NCL: variants seen among roughly 807,000 people sequenced by gnomAD.
The protein encoded by NCL is nucleolin multifunctional protein.
Under a neutral mutation model 77.7 loss-of-function variants are expected in NCL, and 4 were observed. That is an observed-to-expected ratio of 0.05 (90% CI 0.03 to 0.12). NCL has a LOEUF of 0.12. Ranked by LOEUF, NCL falls within the 10% of genes least tolerant of loss-of-function variation. NCL has a pLI of 1.00. For missense variants in NCL, 763 were observed against 860.9 expected (o/e 0.89, Z 1.42); for synonymous variants, 344 against 297.8 (o/e 1.16, Z -1.60).
intron 7 of NCL, 139 bp downstream of exon 7, chr2:231,458,862 A>C (rs1424799809): frequency 1.1e-6 from 1 of 940,414 alleles, no homozygotes; most frequent in Non-Finnish European, 1.5e-6. Context: ...AGCTCATTTA[A>C]TTCCCACATT....
chr2:231,461,992 T>C lies in NCL; in HGVS notation c.161A>G (p.Lys54Arg), dbSNP rs776394903. Residue 54 changes from lysine to arginine, a missense_variant, in exon 3 of 14, where the codon AAG becomes AGG. Lys to Arg is a conservative substitution (Grantham distance 26, BLOSUM62 2). Coordinates refer to ENST00000322723, the MANE Select transcript of NCL (RefSeq NM_005381.3). ...EEVVIPQKKG[K>R]KAAATSAKKV... ...CTTTGCTGAGGTTGCAGCAGCCTTC[T>C]TGCCTTTCTTCTGAGGTATGACGAC... 9 of 1,614,100 alleles carry C rather than the reference T, an allele frequency of 5.6e-6. No individual in the cohort carries two copies. The highest frequency in any genetic ancestry group is 4.4e-5 in the South Asian group (4 of 91,092).
chr2:231,460,367 C>A (rs2046935357), intron 5 of NCL, 74 bp from the exon 6 acceptor site: 1 of 1,599,228 alleles, frequency 6.3e-7, no homozygotes, highest in South Asian at 1.1e-5. Context: ...AATTTCTATA[C>A]ACAGCACATC....
At chr2:231,455,904 A>G in intron 12 of NCL, 106 bp downstream of exon 12, 1 of 1,552,128 alleles carries the variant, frequency 6.4e-7, no homozygotes, top group Admixed American at 1.7e-5. Context: ...ATAAACTGCC[A>G]CTGATAGACA....
At chr2:231,456,603 C>A (rs1575258754) in intron 11 of NCL, 28 bp downstream of exon 11, 2 of 1,613,728 alleles carry the variant, frequency 1.2e-6, no homozygotes. Flanking sequence ...CTACCCCCAA[C>A]CACAGCACCC....
intron 11 of NCL, 70 bp downstream of exon 11, chr2:231,456,561 T>A: frequency 6.2e-7 from 1 of 1,602,760 alleles, no homozygotes; most frequent in African/African-American, 1.3e-5. Context: ...AACACAGAAT[T>A]TGTGCAAAAA....
rs768577394 is a variant in NCL at position 231,460,310 on chromosome 2, C to T, written c.899-17G>A. 9.9e-6 allele frequency: 16 copies of T among 1,613,866 alleles called. No homozygotes were observed. The highest frequency in any genetic ancestry group is 1.2e-5 in the Non-Finnish European group (14 of 1,179,886). On this transcript the variant is annotated splice_polypyrimidine_tract_variant and intron_variant, in intron 5 of 13. Coordinates refer to ENST00000322723, the MANE Select transcript of NCL (RefSeq NM_005381.3). ...GTTCTGTGCCTGCACAAAAAAAGCT[C>T]AACTCAGTCTACTTGTAGTGTGGTA...
Position 231,460,960 on chromosome 2 carries a change from G to A in NCL, c.614-94C>T, listed in dbSNP as rs1180552856. On this transcript the variant is annotated intron_variant, in intron 3 of 13. Coordinates refer to ENST00000322723, the MANE Select transcript of NCL (RefSeq NM_005381.3). ...AAAGAAAATGCAATCCTGTCACCAT[G>A]TTTAGTTAACAGTCATGGCAAGAAT... 5 of 1,045,848 alleles carry A rather than the reference G, an allele frequency of 4.8e-6. No homozygotes were observed. The African/African-American group carries it at 7.9e-5, about 16-fold the overall frequency. The allele number at this position is 1,045,848 out of a possible 1,614,324, so 64.8% of individuals were successfully genotyped here.
At chr2:231,458,476 G>A (rs1330821439) in intron 7 of NCL, 87 bp from the exon 8 acceptor site, 8 of 1,458,064 alleles carry the variant, frequency 5.5e-6, no homozygotes, top group East Asian at 2.3e-5. Flanking sequence ...AACACACATA[G>A]CTCTATTCAA....
chr2:231,464,289 T>G, intron 1 of NCL, 47 bp downstream of exon 1: 1 of 1,556,252 alleles, frequency 6.4e-7, no homozygotes, highest in Non-Finnish European at 8.7e-7. Flanking sequence ...CGCTCGCCCC[T>G]CGGAAAGCAG....
At chr2:231,455,932 A>C (rs756715384) in intron 12 of NCL, 78 bp downstream of exon 12, 3 of 1,605,340 alleles carry the variant, frequency 1.9e-6, no homozygotes, top group South Asian at 1.1e-5. Context: ...GCTCAATGAG[A>C]AGACACATTA....
chr2:231,455,931 G>T, intron 12 of NCL, 79 bp downstream of exon 12: 1 of 1,605,344 alleles, frequency 6.2e-7, no homozygotes, highest in Non-Finnish European at 8.5e-7. Context: ...AGCTCAATGA[G>T]AAGACACATT....
chr2:231,455,915 G>C, intron 12 of NCL, 95 bp downstream of exon 12: 1 of 1,584,372 alleles, frequency 6.3e-7, no homozygotes, highest in Non-Finnish European at 8.7e-7. Context: ...CTGATAGACA[G>C]AAAGGAGCTC....
rs1411408902 is a variant in NCL, at chr2:231,461,673, G to C, written c.480C>G (p.Asp160Glu). The C allele has an allele frequency of 1.9e-6, 3 of 1,611,548 alleles. No homozygotes were observed. The highest frequency in any genetic ancestry group is 2.5e-6 in the Non-Finnish European group (3 of 1,177,766). ...DDDSEEDEED[D>E]EDEDEDEDEI... ...CATCTTCATCCTCATCCTCGTCCTCGTCATCCTCCTCATCCTCCTCACTGT... is the reference window on the plus strand; with the variant it reads ...CATCTTCATCCTCATCCTCGTCCTCCTCATCCTCCTCATCCTCCTCACTGT... The change falls in exon 3 of 14, where the codon GAC becomes GAG. Residue 160 changes from aspartate to glutamate, a missense_variant. Coordinates refer to ENST00000322723, the MANE Select transcript of NCL (RefSeq NM_005381.3).
chr2:231,458,418 G>A (rs761372602), intron 7 of NCL, 29 bp from the exon 8 acceptor site: 14 of 1,605,836 alleles, frequency 8.7e-6, no homozygotes, highest in African/African-American at 8.1e-5. Context: ...AATGAGCTCT[G>A]TGGCCTGAAA....
At chr2:231,460,406 A>G in intron 5 of NCL, 72 bp downstream of exon 5, 9 of 1,590,994 alleles carry the variant, frequency 5.7e-6, no homozygotes, top group South Asian at 1.1e-5. Context: ...ATCAGGTTTC[A>G]GTATTAAGTC....
intron 7 of NCL, 122 bp from the exon 8 acceptor site, chr2:231,458,511 T>C: frequency 7.9e-7 from 1 of 1,261,184 alleles, no homozygotes. Context: ...TCCTATAATG[T>C]ACAAGGCTCG....
intron 2 of NCL, 97 bp from the exon 3 acceptor site, chr2:231,462,114 G>C (rs2046958610): frequency 6.9e-7 from 1 of 1,452,182 alleles, no homozygotes; most frequent in Admixed American, 1.7e-5. Flanking sequence ...CAATGCCTCT[G>C]GTTCAAGACC....
intron 12 of NCL, 117 bp from the exon 13 acceptor site, chr2:231,455,741 A>G (rs961257991): frequency 8.5e-6 from 11 of 1,296,154 alleles, no homozygotes; most frequent in Non-Finnish European, 1.2e-5. Flanking sequence ...TTGGGAAAAG[A>G]TACCAGTGAC....
chr2:231,460,691 CTCCTCATCATCTTCA>C lies in NCL; in HGVS notation c.774_788del (p.Asp258_Glu262del), dbSNP rs1182089892. ...TACCTTCCTCCTCCTCTTCTTCCTC[CTCCTCATCATCTTCA>C]TCATCATCATCTTCATCATCTTCGT... On this transcript the variant is annotated inframe_deletion, in exon 4 of 14. Transcript: ENST00000322723. 7.4e-6 allele frequency: 12 copies of C among 1,611,806 alleles called. No individual in the cohort carries two copies. Among genetic ancestry groups the C allele is most frequent in the African/African-American group, 1.3e-5 (1 of 74,746 alleles).
Sources: allele counts gnomAD v4.1 joint callset, GRCh38; gene constraint gnomAD v4.1.1; transcripts MANE v1.5; gene names NCBI Gene and HGNC (gene_info 2026-07-23, HGNC 2026-07-21).